Variants in RGS6 observed in about 807,000 individuals in gnomAD.
RGS6 encodes the protein regulator of G protein signaling 6, also known as regulator of G-protein signaling 6.
RGS6 carries 30 observed loss-of-function variants against 78.5 expected under a neutral mutation model. The ratio of observed to expected loss-of-function variants is 0.38; its 90% CI spans 0.29 to 0.52. The LOEUF (loss-of-function observed/expected upper bound fraction) is 0.52, where lower values mean the gene tolerates loss of function less well. RGS6 is among the 20% of genes least tolerant of loss of function. The probability of loss-of-function intolerance (pLI) is 0.85; values close to 1 mark genes in which losing one functional copy is unlikely to be tolerated. For synonymous variants in RGS6, 206 were observed against 206.0 expected, an observed-to-expected ratio of 1.00 and a Z score of 0.00; for missense variants, 495 against 609.7, an observed-to-expected ratio of 0.81 and a Z score of 1.98.
At chr14:72,415,497 G>A (rs191467090) in intron 3 of RGS6, among the ~76,000 whole-genome samples, 215 of 152,328 alleles carry the variant, frequency 1.4e-3, no homozygotes, top group Middle Eastern at 0.01. Flanking sequence ...TGGATGAGGC[G>A]ATGCCTCGCC....
At chr14:72,620,165 T>C in the RGS6 span, among the ~76,000 whole-genome samples, 1 of 151,952 alleles carries the variant, frequency 6.6e-6, no homozygotes, top group African/African-American at 2.4e-5. Context: ...AACTGGAGTT[T>C]CCCCCTCTAC....
At chr14:72,549,050 T>C (rs761050585) in intron 17 of RGS6, among the ~76,000 whole-genome samples, 1 of 152,080 alleles carries the variant, frequency 6.6e-6, no homozygotes, top group African/African-American at 2.4e-5. Context: ...GGTTTATAAA[T>C]AAGTCCTGGA....
At chr14:72,218,942 C>T (rs1308373858) in intron 2 of RGS6, among the ~76,000 whole-genome samples, 10 of 151,904 alleles carry the variant, frequency 6.6e-5, no homozygotes, top group Non-Finnish European at 1.3e-4. Flanking sequence ...GATAACCTAG[C>T]ATTGAACTCA....
At chr14:72,617,154 T>C in the RGS6 span, among the ~76,000 whole-genome samples, 1 of 152,318 alleles carries the variant, frequency 6.6e-6, no homozygotes, top group African/African-American at 2.4e-5. Context: ...CCCTATCACC[T>C]GCACTTCTGT....
chr14:72,401,393 G>T (rs915365611), intron 3 of RGS6, among the ~76,000 whole-genome samples: 5 of 151,854 alleles, frequency 3.3e-5, no homozygotes, highest in Non-Finnish European at 7.4e-5. Flanking sequence ...TGGGTGAGTG[G>T]TTCACAAGCC....
chr14:72,303,490 C>T lies in RGS6; in HGVS notation c.85-48605C>T, dbSNP rs138904122. Among the ~76,000 whole-genome samples the T allele has an allele frequency of 5.3e-3, 807 of 152,320 alleles. 2 individuals carry two copies. The highest frequency in any genetic ancestry group is 9.2e-3 in the Non-Finnish European group (624 of 68,026). On this transcript the variant is annotated intron_variant, in intron 2 of 17. Coordinates refer to ENST00000553525, the MANE Select transcript of RGS6 (RefSeq NM_001204424.2). ...CACTCCAGCCTGGGCAAGAGTGAGA[C>T]TCTGTCTCAAAGCAAAACAAAAACA...
At chr14:72,073,417 G>A (rs1469984743) in intron 2 of RGS6, among the ~76,000 whole-genome samples, 2 of 152,154 alleles carry the variant, frequency 1.3e-5, no homozygotes, top group Non-Finnish European at 2.9e-5. Context: ...AACACTGAGA[G>A]AAATCTAGGT....
At chr14:72,144,709 C>T (rs1040857662) in intron 2 of RGS6, among the ~76,000 whole-genome samples, 12 of 151,136 alleles carry the variant, frequency 7.9e-5, no homozygotes, top group Non-Finnish European at 1.8e-4. Flanking sequence ...TCCTGCTCTT[C>T]TACAGTTGAG....
intron 2 of RGS6, among the ~76,000 whole-genome samples, chr14:72,185,784 A>C (rs2097234993): frequency 6.6e-6 from 1 of 152,206 alleles, no homozygotes. Flanking sequence ...TCTCTACAAA[A>C]AATGTAAAAA....
chr14:72,109,132 C>T (rs1661245402), intron 2 of RGS6, among the ~76,000 whole-genome samples: 2 of 151,804 alleles, frequency 1.3e-5, no homozygotes, highest in African/African-American at 4.8e-5. Flanking sequence ...CCTGAATCTT[C>T]TCTTTTTTTT....
intron 3 of RGS6, among the ~76,000 whole-genome samples, chr14:72,358,309 A>G (rs1198411641): frequency 6.6e-6 from 1 of 152,192 alleles, no homozygotes; most frequent in African/African-American, 2.4e-5. Flanking sequence ...GAGGAGCTGT[A>G]AGAAGAGGGC....
the RGS6 span, among the ~76,000 whole-genome samples, chr14:71,879,286 G>T: frequency 6.6e-6 from 1 of 152,186 alleles, no homozygotes; most frequent in African/African-American, 2.4e-5. Flanking sequence ...AAGAAGATTT[G>T]GCTGGACATA....
intron 3 of RGS6, among the ~76,000 whole-genome samples, chr14:72,399,194 G>T (rs1271476010): frequency 2.0e-5 from 3 of 148,810 alleles, no homozygotes; most frequent in Non-Finnish European, 4.4e-5. Flanking sequence ...CTAAGGGCTT[G>T]CTTTATGAAT....
chr14:72,210,150 A>C (rs942899720), intron 2 of RGS6, among the ~76,000 whole-genome samples: 4 of 152,220 alleles, frequency 2.6e-5, no homozygotes, highest in African/African-American at 9.6e-5. Flanking sequence ...ATTATCTAAT[A>C]AAGTGTTCAA....
the RGS6 span, among the ~76,000 whole-genome samples, chr14:71,880,165 C>T: frequency 1.3e-5 from 2 of 152,178 alleles, no homozygotes; most frequent in Non-Finnish European, 2.9e-5. Context: ...TTTAGGGTAT[C>T]TGGCAGCAGA....
At chr14:72,220,520 C>T (rs1391870028) in intron 2 of RGS6, among the ~76,000 whole-genome samples, 5 of 152,172 alleles carry the variant, frequency 3.3e-5, no homozygotes, top group Non-Finnish European at 7.3e-5. Context: ...TGGAGCAAAA[C>T]ATTTCCGTAA....
At chr14:72,265,299 G>T (rs1271234784) in intron 2 of RGS6, among the ~76,000 whole-genome samples, 1 of 152,142 alleles carries the variant, frequency 6.6e-6, no homozygotes, top group Non-Finnish European at 1.5e-5. Context: ...CAACTCTGTG[G>T]CCAATGCGGC....
intron 2 of RGS6, among the ~76,000 whole-genome samples, chr14:72,063,335 A>G (rs1246364334): frequency 6.6e-6 from 1 of 152,186 alleles, no homozygotes; most frequent in Non-Finnish European, 1.5e-5. Flanking sequence ...AGGAGAAATG[A>G]GAAATGAAAA....
chr14:71,979,613 A>G (rs1342865956), intron 2 of RGS6, among the ~76,000 whole-genome samples: 1 of 151,652 alleles, frequency 6.6e-6, no homozygotes. Context: ...GTTTGATTGC[A>G]CTGTGGTCTG....
Sources: gnomAD v4.1 joint callset for allele counts (sites outside exome capture counted in the v4.1 genomes callset) on GRCh38, gnomAD v4.1.1 for gene constraint, MANE v1.5 for transcripts, NCBI Gene and HGNC (gene_info 2026-07-23, HGNC 2026-07-21) for gene names.